COL12A1: variants seen among roughly 807,000 people sequenced by gnomAD.
COL12A1 encodes the protein collagen type XII alpha 1 chain, also known as collagen alpha-1(XII) chain.
In COL12A1, 114 loss-of-function variants were observed where a neutral mutation model predicts 349.7. That is an observed-to-expected ratio of 0.33 (90% CI 0.28 to 0.38). The LOEUF (loss-of-function observed/expected upper bound fraction) is 0.38. Ranked by LOEUF, COL12A1 falls within the 10% of genes least tolerant of loss-of-function variation. COL12A1 has a pLI of 1.00. For synonymous variants in COL12A1, 1,369 were observed against 1,329.0 expected (o/e 1.03, Z -0.66); for missense variants, 3,284 against 3,756.9 (o/e 0.87, Z 3.29).
chr6:75,167,859 G>A (rs1052140623), intron 13 of COL12A1, among the ~76,000 whole-genome samples: 1 of 152,114 alleles, frequency 6.6e-6, no homozygotes, highest in East Asian at 1.9e-4. Context: ...AAGGTTTATC[G>A]ATATCCTGAA....
Position 75,194,851 on chromosome 6 carries a change from A to G in COL12A1, c.170T>C (p.Ile57Thr), listed in dbSNP as rs1336472494. ...KPVDPIVGYR[I>T]TVDPTTDGPT... ...CTTACCCGTTGTAGGGTCCACCGTT[A>G]TTCTGTAACCCACAATTGGATCAAC... The change falls in exon 3 of 66, where the codon ATA becomes ACA. Residue 57 changes from isoleucine (I) to threonine (T), a missense_variant. Transcript: ENST00000322507. 2 of 1,611,064 alleles carry G rather than the reference A, an allele frequency of 1.2e-6. No homozygotes were observed. Among genetic ancestry groups the G allele is most frequent in the Non-Finnish European group, 1.7e-6 (2 of 1,178,202 alleles).
Position 75,090,016 on chromosome 6 carries a change from G to T in COL12A1, c.8941+94C>A. ...CAAACAAGACCAGGGAAAGCAGTTT[G>T]CCTAGGTCACCTTTCAGATGCCTTC... On this transcript the variant is annotated intron_variant, in intron 63 of 65. Transcript: ENST00000322507. The surrounding 1 kb of genome is among the most constrained non-coding windows in gnomAD (Gnocchi z 4.1). 7.3e-7 allele frequency: 1 copy of T among 1,363,016 alleles called. No homozygotes were observed. Among genetic ancestry groups the T allele is most frequent in the Non-Finnish European group, 1.0e-6 (1 of 974,658 alleles). The allele number at this position is 1,363,016 out of a possible 1,614,324, so 84.4% of individuals were successfully genotyped here.
At position 75,090,436 on chromosome 6, in the gene COL12A1, T is replaced by C. The variant is rs148271401; in HGVS notation, c.8753-138A>G. ...TAAGGAAACAATCTAATTAGAATCC[T>C]AAAAATAAAATTAAGACAGTCTAAT... On this transcript the variant is annotated intron_variant, in intron 62 of 65. Coordinates refer to ENST00000322507, the MANE Select transcript of COL12A1 (RefSeq NM_004370.6). The surrounding 1 kb of genome is among the most constrained non-coding windows in gnomAD (Gnocchi z 4.1). The C allele has an allele frequency of 2.7e-3, 2,226 of 817,924 alleles. 22 individuals carry two copies. Among genetic ancestry groups the C allele is most frequent in the South Asian group, 0.017 (837 of 50,050 alleles). 50.7% of individuals were successfully genotyped at this position (817,924 alleles called of 1,614,324 possible).
intron 55 of COL12A1, among the ~76,000 whole-genome samples, chr6:75,103,217 C>T (rs183381851): frequency 3.3e-5 from 5 of 152,160 alleles, no homozygotes; most frequent in African/African-American, 1.2e-4. Flanking sequence ...TTGCCCTTTC[C>T]TAATGGGGTT....
Position 75,183,265 on chromosome 6 carries a change from TC to T in COL12A1, c.1675del (p.Asp559IlefsTer4). The T allele has an allele frequency of 1.9e-6, 3 of 1,614,198 alleles. No homozygotes were observed. Among genetic ancestry groups the T allele is most frequent in the Non-Finnish European group, 2.5e-6 (3 of 1,180,026 alleles). On this transcript the variant is annotated frameshift_variant, in exon 10 of 66. Transcript: ENST00000322507. LOFTEE classifies it high-confidence loss of function. ...TDGKSSDAFRDPAIKLRNSDV... is the reference protein window; with the variant it reads ...TDGKSSDAFRXPAIKLRNSDV... The stretch of plus-strand genomic sequence containing the variant: ...TGAATTCCTCAGTTTTATCGCAGGA[TC>T]TCTGAAAGCATCTGATGATTTCCCA...
chr6:75,186,201 T>A (rs894115926), intron 8 of COL12A1, among the ~76,000 whole-genome samples: 2 of 151,864 alleles, frequency 1.3e-5, no homozygotes, highest in South Asian at 2.1e-4. Flanking sequence ...TGGGAGAAAA[T>A]TTTTGCAAAC....
chr6:75,088,013 G>A (rs1767587352), intron 64 of COL12A1, among the ~76,000 whole-genome samples: 2 of 152,164 alleles, frequency 1.3e-5, no homozygotes, highest in Admixed American at 6.5e-5. Flanking sequence ...AGAGATATCA[G>A]TGAGTTCTTT....
chr6:75,124,181 G>T, intron 41 of COL12A1, 74 bp downstream of exon 41: 1 of 1,591,050 alleles, frequency 6.3e-7, no homozygotes, highest in Non-Finnish European at 8.6e-7. Flanking sequence ...AAACAAAATG[G>T]CATCTTCTTT....
chr6:75,119,693 G>C (rs1300505971), intron 44 of COL12A1, among the ~76,000 whole-genome samples: 2 of 152,098 alleles, frequency 1.3e-5, no homozygotes, highest in African/African-American at 2.4e-5. Flanking sequence ...GTCATAATTG[G>C]CATTAATAAT....
intron 8 of COL12A1, among the ~76,000 whole-genome samples, chr6:75,185,849 A>C (rs1461573240): frequency 6.6e-6 from 1 of 152,192 alleles, no homozygotes. Context: ...CAAACCTGAC[A>C]AAAACAAGCA....
chr6:75,200,900 C>T (rs747344143), intron 2 of COL12A1, among the ~76,000 whole-genome samples: 8 of 149,386 alleles, frequency 5.4e-5, no homozygotes, highest in Non-Finnish European at 1.2e-4. Flanking sequence ...TTATTAAATA[C>T]TAACTTAAGG....
At position 75,157,556 on chromosome 6, in the gene COL12A1, G is replaced by T. The variant is rs573966540; in HGVS notation, c.2984-1033C>A. Reference sequence around the variant, plus strand: ...ACAAAGGGGAATAGGTTCTATGATTGCCCAGCTATTGCTTGGAATTTCCAG... The same window carrying T: ...ACAAAGGGGAATAGGTTCTATGATTTCCCAGCTATTGCTTGGAATTTCCAG... On this transcript the variant is annotated intron_variant, in intron 14 of 65. Coordinates refer to ENST00000322507, the MANE Select transcript of COL12A1 (RefSeq NM_004370.6). Among the ~76,000 whole-genome samples, 38 of 152,254 alleles carry T rather than the reference G, an allele frequency of 2.5e-4. No homozygotes were observed. In the South Asian group the frequency reaches 7.9e-3, roughly 32 times the overall value.
intron 13 of COL12A1, among the ~76,000 whole-genome samples, chr6:75,172,310 T>TA (rs1471637679): frequency 1.3e-5 from 2 of 152,224 alleles, no homozygotes; most frequent in Non-Finnish European, 2.9e-5. Flanking sequence ...ATTTGTAATA[T>TA]ATTATTCTTG....
At chr6:75,129,012 C>T (rs772165590) in intron 37 of COL12A1, among the ~76,000 whole-genome samples, 4 of 152,228 alleles carry the variant, frequency 2.6e-5, no homozygotes, top group Admixed American at 2.6e-4. Flanking sequence ...TAAACCTATG[C>T]TTTGCTTCTA....
chr6:75,191,568 G>A, intron 5 of COL12A1, 133 bp downstream of exon 5: 1 of 477,030 alleles, frequency 2.1e-6, no homozygotes, highest in Non-Finnish European at 3.6e-6. Context: ...TATTGTCTGT[G>A]CTCCTTCCAG....
intron 31 of COL12A1, among the ~76,000 whole-genome samples, chr6:75,136,593 T>A (rs2149392913): frequency 6.6e-6 from 1 of 152,312 alleles, no homozygotes; most frequent in Admixed American, 6.5e-5. Flanking sequence ...ATAACACATG[T>A]GTCTCTAAGG....
At chr6:75,125,829 A>G (rs1765987320) in intron 39 of COL12A1, among the ~76,000 whole-genome samples, 1 of 152,148 alleles carries the variant, frequency 6.6e-6, no homozygotes, top group African/African-American at 2.4e-5. Context: ...AGATGCCCTA[A>G]GAAATCTGCA....
intron 9 of COL12A1, 27 bp downstream of exon 9, chr6:75,183,827 A>G: frequency 1.2e-6 from 2 of 1,608,204 alleles, no homozygotes; most frequent in Non-Finnish European, 1.7e-6. Flanking sequence ...ACATATTCCA[A>G]ATACAATGAT....
intron 46 of COL12A1, 183 bp from the exon 47 acceptor site, chr6:75,117,729 G>A: frequency 2.4e-5 from 13 of 537,920 alleles, no homozygotes; most frequent in East Asian, 9.1e-5. Flanking sequence ...TCTATTTTCT[G>A]GTCTAAAGAA....
Sources: allele counts gnomAD v4.1 joint callset (sites outside exome capture counted in the v4.1 genomes callset), GRCh38; gene constraint gnomAD v4.1.1; non-coding constraint Gnocchi (gnomAD v3.1); transcripts MANE v1.5; gene names NCBI Gene and HGNC (gene_info 2026-07-23, HGNC 2026-07-21).